USH2A: variants seen among roughly 807,000 people sequenced by gnomAD.
USH2A encodes the protein usherin.
Under a neutral mutation model 538.9 loss-of-function variants are expected in USH2A, and 443 were observed. That is an observed-to-expected ratio of 0.82 (90% CI 0.76 to 0.89). The LOEUF (loss-of-function observed/expected upper bound fraction) is 0.89, where lower values mean the gene tolerates loss of function less well. Among genes scored for constraint, USH2A ranks in the 40% least tolerant of loss-of-function variants. The probability of loss-of-function intolerance (pLI) is 0.00; values close to 1 mark genes in which losing one functional copy is unlikely to be tolerated. For synonymous variants in USH2A, 2,413 were observed against 2,273.5 expected (o/e 1.06, Z -1.75); for missense variants, 6,633 against 6,324.8 (o/e 1.05, Z -1.65).
chr1:216,024,648 C>A (rs1469736644), intron 32 of USH2A, among the ~76,000 whole-genome samples: 1 of 151,926 alleles, frequency 6.6e-6, no homozygotes, highest in East Asian at 1.9e-4. Flanking sequence ...TGAGGAAAAG[C>A]ATTTTTGTCA....
intron 3 of USH2A, among the ~76,000 whole-genome samples, chr1:216,376,334 C>T (rs1011095370): frequency 6.6e-6 from 1 of 152,000 alleles, no homozygotes; most frequent in African/African-American, 2.4e-5. Context: ...TTCATCTAAA[C>T]CAACTCTTGA....
intron 56 of USH2A, among the ~76,000 whole-genome samples, chr1:215,761,401 C>T (rs921881725): frequency 2.6e-5 from 4 of 152,116 alleles, no homozygotes; most frequent in African/African-American, 9.7e-5. Flanking sequence ...CTCAAGACAT[C>T]ATAATCAAAT....
intron 9 of USH2A, among the ~76,000 whole-genome samples, chr1:216,299,366 A>G (rs1257495004): frequency 6.6e-6 from 1 of 152,140 alleles, no homozygotes; most frequent in Non-Finnish European, 1.5e-5. Flanking sequence ...TATACAGAGT[A>G]TAATCCTCTA....
intron 58 of USH2A, among the ~76,000 whole-genome samples, chr1:215,747,699 T>C (rs899443675): frequency 9.9e-5 from 15 of 152,152 alleles, no homozygotes; most frequent in African/African-American, 3.1e-4. Flanking sequence ...AGTTTGCAAT[T>C]TGACCTTCAG....
chr1:216,266,615 G>T (rs1459829901), intron 11 of USH2A, among the ~76,000 whole-genome samples: 2 of 152,086 alleles, frequency 1.3e-5, no homozygotes, highest in Non-Finnish European at 2.9e-5. Flanking sequence ...GAAGGCATGG[G>T]ATTCAGGAAA....
intron 35 of USH2A, among the ~76,000 whole-genome samples, chr1:215,973,311 A>T (rs931956849): frequency 3.9e-5 from 6 of 152,138 alleles, no homozygotes; most frequent in African/African-American, 1.4e-4. Flanking sequence ...GTTAATTTTC[A>T]TTGAAACTAA....
chr1:216,088,079 C>CT (rs2102564323), intron 23 of USH2A, among the ~76,000 whole-genome samples: 1 of 152,286 alleles, frequency 6.6e-6, no homozygotes, highest in Non-Finnish European at 1.5e-5. Context: ...CACTGGCCTT[C>CT]TTGTTGGTCC....
intron 21 of USH2A, among the ~76,000 whole-genome samples, chr1:216,141,569 T>C (rs1447005963): frequency 6.6e-6 from 1 of 152,164 alleles, no homozygotes; most frequent in African/African-American, 2.4e-5. Context: ...AATGGGTCTT[T>C]CCTTGGTAAC....
At chr1:215,944,853 T>C (rs1200120833) in intron 37 of USH2A, among the ~76,000 whole-genome samples, 1 of 152,096 alleles carries the variant, frequency 6.6e-6, no homozygotes, top group Non-Finnish European at 1.5e-5. Flanking sequence ...ACATGAAACA[T>C]CCCCTTCCAA....
At chr1:215,939,674 G>A (rs1214878488) in intron 37 of USH2A, among the ~76,000 whole-genome samples, 2 of 151,952 alleles carry the variant, frequency 1.3e-5, no homozygotes, top group African/African-American at 2.4e-5. Context: ...CATCCTATGG[G>A]GTTCTCTAGA....
Position 215,970,650 on chromosome 1 carries a change from G to A in USH2A, c.6932C>T (p.Ala2311Val), listed in dbSNP as rs1273975195. Residue 2311 changes from alanine to valine, a missense_variant, in exon 36 of 72, where the codon GCC becomes GTC. Transcript: ENST00000307340. ...CAGTGGGCCCAGAGCACAACCTTTG[G>A]CCGTGCATGCTTGGACTCTGAAGGA... ...LHSFRVQACT[A>V]KGCALGPLVE... 6.2e-7 allele frequency: 1 copy of A among 1,613,616 alleles called. No individual in the cohort carries two copies. The highest frequency in any genetic ancestry group is 8.5e-7 in the Non-Finnish European group (1 of 1,179,724).
At chr1:215,961,341 G>C (rs1435985679) in intron 37 of USH2A, among the ~76,000 whole-genome samples, 1 of 151,458 alleles carries the variant, frequency 6.6e-6, no homozygotes, top group Non-Finnish European at 1.5e-5. Flanking sequence ...ACAGAAATAT[G>C]CAAGATCTAT....
In USH2A at chr1:215,965,468, T is replaced by G. The variant is rs397518028; in HGVS notation, c.6969A>C (p.Arg2323=). ...TTCCTTCAGGAGGAGCTTCTAGAGT[T>G]CGATTTTCCACCTGTGAGTATAAAA... is the stretch of plus-strand genomic sequence containing the variant. ...GCALGPLVEN[R]TLEAPPEGTV... The change falls in exon 37 of 72, where the codon CGA becomes CGC. Residue 2323 remains arginine, a synonymous_variant. Transcript: ENST00000307340. The G allele has an allele frequency of 2.5e-6, 4 of 1,613,642 alleles. No homozygotes were observed.
At chr1:215,945,669 A>G (rs960102549) in intron 37 of USH2A, among the ~76,000 whole-genome samples, 2 of 152,266 alleles carry the variant, frequency 1.3e-5, no homozygotes, top group East Asian at 3.9e-4. Context: ...TTGTCAGTAT[A>G]CAAATGAAGA....
chr1:216,355,279 G>A (rs1467714672), intron 4 of USH2A, among the ~76,000 whole-genome samples: 1 of 145,724 alleles, frequency 6.9e-6, no homozygotes, highest in Non-Finnish European at 1.5e-5. Flanking sequence ...CTCCAGCCTG[G>A]GTTGACAGAG....
intron 58 of USH2A, among the ~76,000 whole-genome samples, chr1:215,743,879 AG>A (rs1485419777): frequency 1.3e-5 from 2 of 152,148 alleles, no homozygotes; most frequent in Non-Finnish European, 2.9e-5. Context: ...AGCAATTAAA[AG>A]CTTCACAAAA....
At chr1:216,016,128 G>A (rs1323222820) in intron 32 of USH2A, among the ~76,000 whole-genome samples, 1 of 150,868 alleles carries the variant, frequency 6.6e-6, no homozygotes, top group Admixed American at 6.6e-5. Flanking sequence ...TCACTCATAG[G>A]TGGGAACTGA....
chr1:216,053,879 TGAAA>T (rs1470972505), intron 30 of USH2A, among the ~76,000 whole-genome samples: 1 of 152,150 alleles, frequency 6.6e-6, no homozygotes, highest in African/African-American at 2.4e-5. Flanking sequence ...AAGCCCAAGC[TGAAA>T]GATCAGGGGG....
intron 21 of USH2A, among the ~76,000 whole-genome samples, chr1:216,171,915 C>T (rs974520944): frequency 9.9e-5 from 15 of 151,942 alleles, no homozygotes; most frequent in African/African-American, 3.4e-4. Flanking sequence ...ATGTAAATGA[C>T]TGATAATACA....
Sources: allele counts gnomAD v4.1 joint callset (sites outside exome capture counted in the v4.1 genomes callset), GRCh38; gene constraint gnomAD v4.1.1; transcripts MANE v1.5; gene names NCBI Gene and HGNC (gene_info 2026-07-23, HGNC 2026-07-21).